The following NTPCR variants were observed in gnomAD, a reference collection of about 807,000 sequenced individuals.
NTPCR encodes the protein cancer-related nucleoside-triphosphatase.
NTPCR carries 15 observed loss-of-function variants against 19.5 expected under a neutral mutation model. The ratio of observed to expected loss-of-function variants is 0.77; its 90% confidence interval spans 0.51 to 1.18. NTPCR has a LOEUF of 1.18. Among genes scored for constraint, NTPCR ranks in the 50% most tolerant of loss-of-function variants. The probability of loss-of-function intolerance (pLI) is 0.00; values close to 1 mark genes in which losing one functional copy is unlikely to be tolerated. For missense variants in NTPCR, 206 were observed against 240.4 expected (o/e 0.86, Z 0.95); for synonymous variants, 90 against 95.8 (o/e 0.94, Z 0.36).
chr1:232,966,805 G>T (rs1668831570), intron 3 of NTPCR: 1 of 152,222 alleles, frequency 6.6e-6, no homozygotes, highest in South Asian at 2.1e-4. Flanking sequence ...TGGCCAGGAA[G>T]GCTAGTGTGT....
chr1:232,964,411 T>C (rs1480078826), intron 3 of NTPCR: 3 of 152,226 alleles, frequency 2.0e-5, no homozygotes. Context: ...GTATAGTTAC[T>C]ATTTTTTTCT....
chr1:232,952,450 C>A (rs1571950108), intron 1 of NTPCR, among the ~76,000 whole-genome samples: 1 of 151,626 alleles, frequency 6.6e-6, no homozygotes, highest in Admixed American at 6.6e-5. Context: ...CTCAAGTGAT[C>A]CTCCCATCTG....
intron 1 of NTPCR, among the ~76,000 whole-genome samples, chr1:232,954,691 T>G (rs149232377): frequency 4.3e-4 from 65 of 152,322 alleles, no homozygotes; most frequent in African/African-American, 1.1e-3. Context: ...AGGATGGTTG[T>G]GAGGACTTAA....
In NTPCR at chr1:232,969,944, C is replaced by T. The variant is rs147629260; in HGVS notation, c.330C>T (p.Cys110=). The stretch of plus-strand genomic sequence containing the variant: ...GCAGTGGCCCAGGGCAAAGAGTGTG[C>T]GTCATCGATGAGATTGGGAAGATGG... The part of the protein sequence containing the change: ...DCSSGPGQRV[C]VIDEIGKMEL... Residue 110 remains cysteine, a synonymous_variant, in exon 4 of 5, where the codon TGC becomes TGT. Coordinates refer to ENST00000366628, the MANE Select transcript of NTPCR (RefSeq NM_032324.3). 1.6e-5 allele frequency: 26 copies of T among 1,613,888 alleles called. No homozygotes were observed. In the African/African-American group the frequency reaches 2.4e-4, roughly 15 times the overall value.
chr1:232,957,611 T>A (rs1195489074), intron 3 of NTPCR, among the ~76,000 whole-genome samples: 1 of 152,256 alleles, frequency 6.6e-6, no homozygotes, highest in Non-Finnish European at 1.5e-5. Flanking sequence ...TTAGATGATC[T>A]TTTCAAAGAA....
rs367717942 is a variant in NTPCR at position 232,974,213 on chromosome 1, CA to C, written c.505-3949del. 5.3e-4 allele frequency among the ~76,000 whole-genome samples: 81 copies of C among 152,292 alleles called. 2 individuals are homozygous for C. In the East Asian group the frequency reaches 0.013, roughly 25 times the overall value. On this transcript the variant is annotated intron_variant, in intron 4 of 4. Transcript: ENST00000366628. Reference sequence around the variant, plus strand: ...TGACAGCAGATTTCTCAGGAGAAACCATGAAGGCCAGAAGGAGGTGGTACAT... The same window carrying C: ...TGACAGCAGATTTCTCAGGAGAAACCTGAAGGCCAGAAGGAGGTGGTACAT...
At chr1:232,972,761 G>A (rs1278534865) in intron 4 of NTPCR, among the ~76,000 whole-genome samples, 2 of 152,220 alleles carry the variant, frequency 1.3e-5, no homozygotes, top group East Asian at 3.8e-4. Flanking sequence ...AAACTTAGGT[G>A]TTGGATTAGA....
At chr1:232,977,135 C>G (rs1191401911) in intron 4 of NTPCR, 1 of 152,486 alleles carries the variant, frequency 6.6e-6, no homozygotes, top group East Asian at 1.9e-4. Flanking sequence ...CCTGCTCTTA[C>G]CGGGAACCTT....
intron 3 of NTPCR, chr1:232,968,705 T>C (rs1668890711): frequency 6.6e-6 from 1 of 152,218 alleles, no homozygotes; most frequent in South Asian, 2.1e-4. Flanking sequence ...CTAGCTTAAC[T>C]CAGACATGCC....
chr1:232,978,867 A>G lies in NTPCR; in HGVS notation c.*636A>G, dbSNP rs1669218549. Reference sequence around the variant, plus strand: ...GATAGCATCTGATATTCAGCCGACCAGATGACAAGAGCTCAGGCCCACGGG... The same window carrying G: ...GATAGCATCTGATATTCAGCCGACCGGATGACAAGAGCTCAGGCCCACGGG... On this transcript the variant is annotated 3_prime_UTR_variant, in exon 5 of 5. Coordinates refer to ENST00000366628, the MANE Select transcript of NTPCR (RefSeq NM_032324.3). 1 of 152,258 alleles carries G rather than the reference A, an allele frequency of 6.6e-6. No individual in the cohort carries two copies. The highest frequency in any genetic ancestry group is 2.1e-4 in the South Asian group (1 of 4,832). The allele number at this position is 152,258 out of a possible 1,614,324, so 9.4% of individuals were successfully genotyped here.
At chr1:232,953,746 T>TA (rs575953941) in intron 1 of NTPCR, among the ~76,000 whole-genome samples, 14 of 151,948 alleles carry the variant, frequency 9.2e-5, no homozygotes, top group Non-Finnish European at 1.5e-4. Flanking sequence ...GACCATTCTT[T>TA]AAAAAAAACA....
chr1:232,964,237 CT>C (rs1668751402), intron 3 of NTPCR: 1 of 152,164 alleles, frequency 6.6e-6, no homozygotes, highest in African/African-American at 2.4e-5. Context: ...GAACGTTCAT[CT>C]TTTGGAGTTT....
chr1:232,958,374 ATTTT>A (rs1236656782), intron 3 of NTPCR, among the ~76,000 whole-genome samples: 2 of 151,960 alleles, frequency 1.3e-5, no homozygotes, highest in Non-Finnish European at 2.9e-5. Context: ...GGCACTTGCC[ATTTT>A]TTTTGGTGAG....
At chr1:232,956,997 G>C (rs1211065378) in intron 3 of NTPCR, among the ~76,000 whole-genome samples, 2 of 152,202 alleles carry the variant, frequency 1.3e-5, no homozygotes, top group Non-Finnish European at 2.9e-5. Flanking sequence ...AAAGTGGTGA[G>C]AGTAGACATC....
intron 1 of NTPCR, among the ~76,000 whole-genome samples, chr1:232,953,795 A>G (rs889989905): frequency 2.0e-5 from 3 of 152,028 alleles, no homozygotes; most frequent in East Asian, 1.9e-4. Flanking sequence ...CTTTTTCCAT[A>G]TATTATTTTC....
chr1:232,969,824 T>C, intron 3 of NTPCR, 85 bp from the exon 4 acceptor site: 6 of 1,107,408 alleles, frequency 5.4e-6, no homozygotes, highest in South Asian at 2.5e-5. Context: ...TTTTACCTCA[T>C]TGGTGAGTGA....
intron 4 of NTPCR, among the ~76,000 whole-genome samples, chr1:232,973,722 A>G (rs2102758060): frequency 6.6e-6 from 1 of 152,364 alleles, no homozygotes; most frequent in South Asian, 2.1e-4. Context: ...AGTTTCAGCA[A>G]AAACCTAGAA....
At chr1:232,964,600 T>C (rs915296644) in intron 3 of NTPCR, 16 of 152,206 alleles carry the variant, frequency 1.1e-4, no homozygotes, top group Admixed American at 6.5e-5. Flanking sequence ...TTTGAAATTG[T>C]TTCTCTAGCA....
At position 232,958,702 on chromosome 1, in the gene NTPCR, G is replaced by C. The variant is rs1234341410; in HGVS notation, c.294+2259G>C. Among the ~76,000 whole-genome samples the C allele has an allele frequency of 2.0e-5, 3 of 152,276 alleles. No homozygotes were observed. The East Asian group carries it at 5.8e-4, about 29-fold the overall frequency. ...CTCTCGTGGCCACTGTGTTTTGCGG[G>C]AGCAGAGAACATGGTACTTTTCTTT... On this transcript the variant is annotated intron_variant, in intron 3 of 4. Coordinates refer to ENST00000366628, the MANE Select transcript of NTPCR (RefSeq NM_032324.3).
Sources: gnomAD v4.1 joint callset for allele counts (sites outside exome capture counted in the v4.1 genomes callset) on GRCh38, gnomAD v4.1.1 for gene constraint, MANE v1.5 for transcripts, NCBI Gene and HGNC (gene_info 2026-07-23, HGNC 2026-07-21) for gene names.